USP3: variants seen among roughly 807,000 people sequenced by gnomAD.
USP3 encodes the protein ubiquitin specific peptidase 3, also known as ubiquitin carboxyl-terminal hydrolase 3.
Under a neutral mutation model 72.3 loss-of-function variants are expected in USP3, and 20 were observed. The observed-to-expected ratio is 0.28, with a 90% CI of 0.19 to 0.40. USP3 has a LOEUF of 0.40. USP3 is among the 10% of genes least tolerant of loss of function. USP3 has a pLI of 1.00. For synonymous variants in USP3, 222 were observed against 225.3 expected (o/e 0.99, Z 0.13); for missense variants, 479 against 633.9 (o/e 0.76, Z 2.62).
rs1053144316 is a variant in USP3, at chr15:63,593,599, A to C, written c.*2773A>C. ...ACGTCTTCTCTCTGAATTTGTTTTT[A>C]TTGGTTGGTTTTACTTGAACAGAAA... On this transcript the variant is annotated 3_prime_UTR_variant, in exon 15 of 15. Coordinates refer to ENST00000380324, the MANE Select transcript of USP3 (RefSeq NM_006537.4). 3.3e-5 allele frequency: 5 copies of C among 152,170 alleles called. No homozygotes were observed. The highest frequency in any genetic ancestry group is 1.2e-4 in the African/African-American group (5 of 41,426). 9.4% of individuals were successfully genotyped at this position (152,170 alleles called of 1,614,324 possible). A position where few individuals can be genotyped will look rare whatever the true frequency, so the allele number is the denominator to read the frequency against.
At chr15:63,563,087 T>C in intron 8 of USP3, 79 bp downstream of exon 8, 2 of 1,045,244 alleles carry the variant, frequency 1.9e-6, no homozygotes, top group Non-Finnish European at 2.7e-6. Context: ...AATGAAGTGG[T>C]TGTATTCTAA....
chr15:63,524,484 T>G (rs960916728), intron 1 of USP3, among the ~76,000 whole-genome samples: 4 of 152,240 alleles, frequency 2.6e-5, no homozygotes, highest in Admixed American at 2.6e-4. Flanking sequence ...CATTTCATTT[T>G]GCTTATAATT....
At chr15:63,517,038 T>C (rs1298599143) in intron 1 of USP3, among the ~76,000 whole-genome samples, 1 of 140,828 alleles carries the variant, frequency 7.1e-6, no homozygotes, top group Non-Finnish European at 1.5e-5. Flanking sequence ...ATTTCCTTGA[T>C]TTTTTTTTTT....
At chr15:63,590,219 A>G (rs2067166571) in intron 14 of USP3, among the ~76,000 whole-genome samples, 1 of 152,166 alleles carries the variant, frequency 6.6e-6, no homozygotes, top group South Asian at 2.1e-4. Flanking sequence ...TTCTAGCTGC[A>G]GGCCTTCCGT....
rs193039516 is a variant in USP3 at position 63,589,830 on chromosome 15, A to C, written c.1397+819A>C. Among the ~76,000 whole-genome samples, 30 of 152,268 alleles carry C rather than the reference A, an allele frequency of 2.0e-4. No individual in the cohort carries two copies. In the East Asian group the frequency reaches 2.5e-3, roughly 13 times the overall value. ...AAGACTGCCATGGCCTACTTTTCCAAATCACCAATTTGGGTTTCATCTGTA... is the reference window on the plus strand; with the variant it reads ...AAGACTGCCATGGCCTACTTTTCCACATCACCAATTTGGGTTTCATCTGTA... On this transcript the variant is annotated intron_variant, in intron 14 of 14. Transcript: ENST00000380324.
chr15:63,535,700 G>A (rs74018964), intron 2 of USP3, among the ~76,000 whole-genome samples: 7,284 of 152,262 alleles, frequency 0.048, 193 homozygotes, highest in Middle Eastern at 0.099. Flanking sequence ...TCCAAGTTGA[G>A]GTTAATAGTG....
At chr15:63,522,093 C>G (rs372375925) in intron 1 of USP3, among the ~76,000 whole-genome samples, 1 of 152,212 alleles carries the variant, frequency 6.6e-6, no homozygotes, top group African/African-American at 2.4e-5. Context: ...CCAGGCTGAT[C>G]TGGAACTCCT....
intron 11 of USP3, among the ~76,000 whole-genome samples, chr15:63,579,456 C>T (rs1035371907): frequency 2.0e-5 from 3 of 152,150 alleles, no homozygotes; most frequent in Non-Finnish European, 4.4e-5. Flanking sequence ...AATGTCAAAT[C>T]AGTGGGACGA....
chr15:63,533,711 TTGAG>T, intron 2 of USP3: 1 of 413,096 alleles, frequency 2.4e-6, no homozygotes, highest in Non-Finnish European at 4.2e-6. Flanking sequence ...AGTCCTGGAA[TTGAG>T]TATTTTTTCC....
chr15:63,559,978 A>G lies in USP3; in HGVS notation c.647+8A>G, dbSNP rs1285087598. On this transcript the variant is annotated splice_region_variant and intron_variant, in intron 7 of 14. Transcript: ENST00000380324. ...CCAAGGGGATAACAATGTGTGAGTTATAAGAGTATGTCCTTTCTGGCTTTG... is the reference window on the plus strand; with the variant it reads ...CCAAGGGGATAACAATGTGTGAGTTGTAAGAGTATGTCCTTTCTGGCTTTG... 1 of 1,610,536 alleles carries G rather than the reference A, an allele frequency of 6.2e-7. No individual in the cohort carries two copies. Among genetic ancestry groups the G allele is most frequent in the Non-Finnish European group, 8.5e-7 (1 of 1,178,090 alleles).
chr15:63,546,329 G>T (rs1221712819), intron 3 of USP3, among the ~76,000 whole-genome samples: 2 of 152,294 alleles, frequency 1.3e-5, no homozygotes, highest in South Asian at 2.1e-4. Context: ...GTTTAACTGT[G>T]TTTTGTAACA....
chr15:63,557,980 G>T, intron 5 of USP3, 126 bp from the exon 6 acceptor site: 1 of 801,682 alleles, frequency 1.2e-6, no homozygotes. Context: ...ATATTCATTG[G>T]ACAGAAAAGG....
rs2067112242 is a variant in USP3, at chr15:63,588,107, C to T, written c.1097-198C>T. 2.3e-5 allele frequency: 10 copies of T among 443,620 alleles called. No homozygotes were observed. The East Asian group carries it at 3.6e-4, about 16-fold the overall frequency. 27.5% of individuals were successfully genotyped at this position (443,620 alleles called of 1,614,324 possible). A position where few individuals can be genotyped will look rare whatever the true frequency, so the allele number is the denominator to read the frequency against. On this transcript the variant is annotated intron_variant, in intron 11 of 14. Coordinates refer to ENST00000380324, the MANE Select transcript of USP3 (RefSeq NM_006537.4). The surrounding 1 kb of genome is among the most constrained non-coding windows in gnomAD (Gnocchi z 4.6). Reference sequence around the variant, plus strand: ...GTCAGGCATGATGCCAGGTGCTCTACACATTATTTCTCTTCCTTATAATAG... The same window carrying T: ...GTCAGGCATGATGCCAGGTGCTCTATACATTATTTCTCTTCCTTATAATAG...
chr15:63,531,195 C>T (rs147678616), intron 1 of USP3, among the ~76,000 whole-genome samples: 3 of 152,178 alleles, frequency 2.0e-5, no homozygotes, highest in African/African-American at 7.2e-5. Context: ...GTCCCCTCCT[C>T]TCATGCAAAT....
chr15:63,556,498 A>C, intron 4 of USP3, 169 bp from the exon 5 acceptor site: 30 of 461,720 alleles, frequency 6.5e-5, no homozygotes, highest in Non-Finnish European at 8.0e-5. Context: ...CCAAGGAAGT[A>C]GAGCTCCTCG....
intron 3 of USP3, among the ~76,000 whole-genome samples, chr15:63,545,290 A>G (rs1196214845): frequency 6.6e-6 from 1 of 152,172 alleles, no homozygotes; most frequent in Admixed American, 6.5e-5. Context: ...CACGGTAGTA[A>G]AATCAGTTGT....
chr15:63,534,464 A>C (rs2066124731), intron 2 of USP3, among the ~76,000 whole-genome samples: 1 of 152,168 alleles, frequency 6.6e-6, no homozygotes, highest in South Asian at 2.1e-4. Context: ...TGTTATTAGA[A>C]ATTTGTGACA....
intron 1 of USP3, 45 bp from the exon 2 acceptor site, chr15:63,532,599 GAAA>G (rs1442455792): frequency 1.2e-6 from 2 of 1,601,982 alleles, no homozygotes; most frequent in Non-Finnish European, 1.7e-6. Flanking sequence ...GAGAAATTGG[GAAA>G]TAACATGATG....
chr15:63,526,486 T>G (rs181111739), intron 1 of USP3, among the ~76,000 whole-genome samples: 1 of 152,352 alleles, frequency 6.6e-6, no homozygotes, highest in East Asian at 1.9e-4. Flanking sequence ...AAATGTTAAC[T>G]AAATGAAAAT....
Sources: allele counts gnomAD v4.1 joint callset (sites outside exome capture counted in the v4.1 genomes callset), GRCh38; gene constraint gnomAD v4.1.1; non-coding constraint Gnocchi (gnomAD v3.1); transcripts MANE v1.5; gene names NCBI Gene and HGNC (gene_info 2026-07-23, HGNC 2026-07-21).